CHRM3: variants seen among roughly 807,000 people sequenced by gnomAD.
CHRM3 encodes cholinergic receptor muscarinic 3.
A neutral mutation model predicts 41.8 loss-of-function variants in CHRM3; 11 were observed. The observed-to-expected ratio is 0.26, with a 90% CI of 0.17 to 0.44. The LOEUF is 0.44. CHRM3 is among the 20% of genes least tolerant of loss of function. The pLI is 1.00. For missense variants in CHRM3, 571 were observed against 745.4 expected, an observed-to-expected ratio of 0.77 and a Z score of 2.72; for synonymous variants, 297 against 301.4, an observed-to-expected ratio of 0.99 and a Z score of 0.15.
At chr1:239,676,851 G>T (rs1196340587) in intron 4 of CHRM3, among the ~76,000 whole-genome samples, 1 of 152,188 alleles carries the variant, frequency 6.6e-6, no homozygotes, top group East Asian at 1.9e-4. Flanking sequence ...GCTTTCATTT[G>T]TACAGTTAAT....
chr1:239,834,289 C>T (rs1036163710), intron 6 of CHRM3, among the ~76,000 whole-genome samples: 2 of 149,554 alleles, frequency 1.3e-5, no homozygotes, highest in Non-Finnish European at 3.0e-5. Context: ...ATAATACCCA[C>T]GTTTCTTCTC....
At chr1:239,850,866 A>G (rs149394630) in intron 6 of CHRM3, among the ~76,000 whole-genome samples, 1,866 of 152,234 alleles carry the variant, frequency 0.012, 36 homozygotes, top group African/African-American at 0.042. Flanking sequence ...AGAACTGTGA[A>G]TCAATTAAAC....
intron 3 of CHRM3, among the ~76,000 whole-genome samples, chr1:239,549,439 C>T (rs1366536991): frequency 6.8e-6 from 1 of 147,484 alleles, no homozygotes; most frequent in African/African-American, 2.5e-5. Flanking sequence ...CACTTGAGGT[C>T]AGAAGTTTGA....
chr1:239,479,400 C>T (rs183254181), intron 1 of CHRM3, among the ~76,000 whole-genome samples: 111 of 152,100 alleles, frequency 7.3e-4, no homozygotes, highest in Middle Eastern at 3.4e-3. Context: ...CATTAGTAGG[C>T]GAACAAAGAT....
chr1:239,401,682 G>A (rs547076408), intron 1 of CHRM3, among the ~76,000 whole-genome samples: 9 of 151,882 alleles, frequency 5.9e-5, no homozygotes, highest in African/African-American at 9.7e-5. Context: ...TAGTAGAGTC[G>A]GGGTTTCACC....
intron 3 of CHRM3, among the ~76,000 whole-genome samples, chr1:239,591,606 GA>G (rs75163797): frequency 0.019 from 2,676 of 137,616 alleles, 61 homozygotes; most frequent in East Asian, 0.12. Context: ...TCTTGGAGAT[GA>G]AAAAAAAAAA....
chr1:239,540,506 T>G (rs1214065137), intron 2 of CHRM3, among the ~76,000 whole-genome samples: 2 of 152,174 alleles, frequency 1.3e-5, no homozygotes, highest in Non-Finnish European at 2.9e-5. Flanking sequence ...GAAATTAGAT[T>G]TCAAATGTGG....
At chr1:239,401,723 C>G (rs1303231839) in intron 1 of CHRM3, among the ~76,000 whole-genome samples, 2 of 152,098 alleles carry the variant, frequency 1.3e-5, no homozygotes, top group Non-Finnish European at 2.9e-5. Context: ...GATCTCTTGA[C>G]CTCAGGCGAT....
chr1:239,880,210 C>T (rs1327514101), intron 6 of CHRM3, among the ~76,000 whole-genome samples: 1 of 152,210 alleles, frequency 6.6e-6, no homozygotes, highest in African/African-American at 2.4e-5. Flanking sequence ...CCTTGTGGCT[C>T]TTCATAGGAC....
At chr1:239,859,819 TTATATATA>T (rs55700294) in intron 6 of CHRM3, among the ~76,000 whole-genome samples, 2,108 of 131,408 alleles carry the variant, frequency 0.016, 38 homozygotes, top group Middle Eastern at 0.047. Context: ...TCTAAGTGTT[TTATATATA>T]TATATATATA....
At chr1:239,459,989 C>G (rs1665235914) in intron 1 of CHRM3, among the ~76,000 whole-genome samples, 1 of 152,154 alleles carries the variant, frequency 6.6e-6, no homozygotes, top group Non-Finnish European at 1.5e-5. Flanking sequence ...TAATTTGACT[C>G]TGCAAACAGC....
At chr1:239,456,069 G>A (rs1462030287) in intron 1 of CHRM3, among the ~76,000 whole-genome samples, 1 of 152,164 alleles carries the variant, frequency 6.6e-6, no homozygotes, top group African/African-American at 2.4e-5. Context: ...CAGGAACTAG[G>A]GAGGGGCAAG....
chr1:239,491,217 A>G (rs1667531130), intron 1 of CHRM3, among the ~76,000 whole-genome samples: 1 of 152,182 alleles, frequency 6.6e-6, no homozygotes, highest in Non-Finnish European at 1.5e-5. Context: ...CTGCTCTTCT[A>G]GCTATGTAAA....
intron 5 of CHRM3, among the ~76,000 whole-genome samples, chr1:239,715,759 G>A (rs1053053200): frequency 2.6e-5 from 4 of 152,102 alleles, no homozygotes; most frequent in African/African-American, 9.7e-5. Context: ...TCAGTTCATA[G>A]GGAGGAAAGG....
At chr1:239,760,151 T>G (rs575421965) in intron 5 of CHRM3, among the ~76,000 whole-genome samples, 6 of 151,656 alleles carry the variant, frequency 4.0e-5, no homozygotes, top group South Asian at 2.1e-4. Context: ...GGTCTCGATC[T>G]CCTGACCTCG....
At chr1:239,438,813 A>G (rs935912523) in intron 1 of CHRM3, among the ~76,000 whole-genome samples, 3 of 152,212 alleles carry the variant, frequency 2.0e-5, no homozygotes, top group Admixed American at 1.3e-4. Context: ...TTCAGTAGTG[A>G]TGTGCTGCTG....
At chr1:239,617,493 G>A (rs982252327) in intron 3 of CHRM3, among the ~76,000 whole-genome samples, 16 of 152,178 alleles carry the variant, frequency 1.1e-4, no homozygotes, top group East Asian at 1.9e-4. Context: ...GAGAGGCAGA[G>A]GGAGGAGAAT....
At chr1:239,576,962 C>T (rs1297713362) in intron 3 of CHRM3, among the ~76,000 whole-genome samples, 2 of 152,194 alleles carry the variant, frequency 1.3e-5, no homozygotes, top group East Asian at 3.9e-4. Context: ...AGCTAGCCTA[C>T]TTACTTCTCC....
In CHRM3 at chr1:239,894,270, G is replaced by A. The variant is rs975102456; in HGVS notation, c.-19-13163G>A. Among the ~76,000 whole-genome samples the A allele has an allele frequency of 6.6e-5, 10 of 152,258 alleles. No homozygotes were observed. In the South Asian group the frequency reaches 1.0e-3, roughly 16 times the overall value. On this transcript the variant is annotated intron_variant, in intron 6 of 6. Transcript: ENST00000676153. ...AACAACCTAATAGTAAAATAAAAAC[G>A]TATATATTCAACAAGGGATATTTCA...
Sources: gnomAD v4.1 joint callset for allele counts (sites outside exome capture counted in the v4.1 genomes callset) on GRCh38, gnomAD v4.1.1 for gene constraint, MANE v1.5 for transcripts, NCBI Gene and HGNC (gene_info 2026-07-23, HGNC 2026-07-21) for gene names.